The following SHISA9 variants were observed in gnomAD, a reference collection of about 807,000 sequenced individuals.
SHISA9 encodes the protein shisa family member 9, also known as protein shisa-9.
In SHISA9, 13 loss-of-function variants were observed where a neutral mutation model predicts 38.0. The ratio of observed to expected loss-of-function variants is 0.34; its 90% confidence interval spans 0.22 to 0.54. SHISA9 has a LOEUF of 0.54. Ranked by LOEUF, SHISA9 falls within the 20% of genes least tolerant of loss-of-function variation. The pLI is 0.91. For missense variants in SHISA9, 538 were observed against 575.8 expected (o/e 0.93, Z 0.67); for synonymous variants, 275 against 242.0 (o/e 1.14, Z -1.27).
At chr16:12,963,121 G>A (rs1343593871) in intron 2 of SHISA9, among the ~76,000 whole-genome samples, 1 of 152,194 alleles carries the variant, frequency 6.6e-6, no homozygotes, top group Non-Finnish European at 1.5e-5. Flanking sequence ...CTTGCAGTCA[G>A]AGGTGCCTGA....
chr16:13,383,762 C>T, the SHISA9 span, among the ~76,000 whole-genome samples: 3 of 152,134 alleles, frequency 2.0e-5, no homozygotes, highest in Admixed American at 6.5e-5. Context: ...GCGATCTTCC[C>T]ACCTTGGGCT....
chr16:13,424,853 C>G, the SHISA9 span, among the ~76,000 whole-genome samples: 2 of 152,188 alleles, frequency 1.3e-5, no homozygotes, highest in East Asian at 1.9e-4. Flanking sequence ...AGGCTTTGGC[C>G]TATTCTCCCA....
At chr16:13,458,328 G>T in the SHISA9 span, 5 of 298,948 alleles carry the variant, frequency 1.7e-5, no homozygotes, top group East Asian at 4.0e-4. Flanking sequence ...AGACTCCACA[G>T]GATGAGTCTC....
chr16:13,010,616 A>G (rs1279629910), intron 2 of SHISA9, among the ~76,000 whole-genome samples: 1 of 152,186 alleles, frequency 6.6e-6, no homozygotes, highest in East Asian at 1.9e-4. Flanking sequence ...TACTACTGGG[A>G]TCAGAATTCC....
chr16:13,021,283 G>A (rs1239748658), intron 2 of SHISA9, among the ~76,000 whole-genome samples: 3 of 152,102 alleles, frequency 2.0e-5, no homozygotes, highest in Non-Finnish European at 2.9e-5. Flanking sequence ...GGCCAGGGAC[G>A]CTGCTCAAAT....
chr16:13,019,764 T>TTTCTTTCTTTC (rs1376484343), intron 2 of SHISA9, among the ~76,000 whole-genome samples: 1 of 77,896 alleles, frequency 1.3e-5, no homozygotes. Flanking sequence ...CTTTTCTTTC[T>TTTCTTTCTTTC]TTTCTTTCTT....
the SHISA9 span, among the ~76,000 whole-genome samples, chr16:13,382,596 C>T: frequency 3.3e-5 from 5 of 149,476 alleles, no homozygotes; most frequent in Non-Finnish European, 5.9e-5. Flanking sequence ...TCTGTAATCC[C>T]ACCTGTAATC....
chr16:13,223,924 G>A lies in SHISA9; in HGVS notation c.895+10624G>A, dbSNP rs2051254148. On this transcript the variant is annotated intron_variant, in intron 4 of 4. Transcript: ENST00000558583. The stretch of plus-strand genomic sequence containing the variant: ...GCAAAAGCTTCCATAAATATTGAGT[G>A]TGATGGCCATAACTTGAGGCAGTGG... 2.0e-5 allele frequency among the ~76,000 whole-genome samples: 3 copies of A among 152,196 alleles called. 1 individual carries two copies. The East Asian group carries it at 5.8e-4, about 29-fold the overall frequency.
At position 13,118,126 on chromosome 16, in the gene SHISA9, G is replaced by C. The variant is rs569491075; in HGVS notation, c.692-85268G>C. Reference sequence around the variant, plus strand: ...GAACCTGGGAGGCGGAGGTTGCAGTGAGTGGAGATCACGCAATTGTACTCC... The same window carrying C: ...GAACCTGGGAGGCGGAGGTTGCAGTCAGTGGAGATCACGCAATTGTACTCC... On this transcript the variant is annotated intron_variant, in intron 2 of 4. Transcript: ENST00000558583. Among the ~76,000 whole-genome samples, 12 of 150,904 alleles carry C rather than the reference G, an allele frequency of 8.0e-5. No homozygotes were observed. The East Asian group carries it at 2.2e-3, about 27-fold the overall frequency.
intron 2 of SHISA9, among the ~76,000 whole-genome samples, chr16:13,177,818 C>T (rs542285049): frequency 2.6e-5 from 4 of 152,224 alleles, no homozygotes; most frequent in East Asian, 3.9e-4. Flanking sequence ...TACAGGCAAT[C>T]GCCACCATAC....
At chr16:13,354,170 A>G in the SHISA9 span, among the ~76,000 whole-genome samples, 3 of 148,280 alleles carry the variant, frequency 2.0e-5, no homozygotes, top group Non-Finnish European at 3.0e-5. Context: ...GGAGTAGTAG[A>G]ATAGCAGATG....
chr16:13,378,681 C>G, the SHISA9 span, among the ~76,000 whole-genome samples: 1 of 152,194 alleles, frequency 6.6e-6, no homozygotes, highest in African/African-American at 2.4e-5. Flanking sequence ...CTGAGCAGCA[C>G]AAGGGTTTGG....
At chr16:13,269,881 C>T in the SHISA9 span, among the ~76,000 whole-genome samples, 1 of 152,144 alleles carries the variant, frequency 6.6e-6, no homozygotes, top group African/African-American at 2.4e-5. Context: ...GAGCAGAATC[C>T]ATGCTCTTGC....
intron 2 of SHISA9, among the ~76,000 whole-genome samples, chr16:13,001,594 G>C (rs1023951571): frequency 6.6e-5 from 10 of 152,202 alleles, no homozygotes; most frequent in Non-Finnish European, 2.9e-5. Flanking sequence ...TGGCAAAAAA[G>C]CCTTCTGGGC....
Position 13,203,106 on chromosome 16 carries a change from T to G in SHISA9, c.692-288T>G, listed in dbSNP as rs1167358621. 11 of 254,774 alleles carry G rather than the reference T, an allele frequency of 4.3e-5. No individual in the cohort carries two copies. The Admixed American group carries it at 6.0e-4, about 14-fold the overall frequency. The allele number at this position is 254,774 out of a possible 1,614,324, so 15.8% of individuals were successfully genotyped here. On this transcript the variant is annotated intron_variant, in intron 2 of 4. Transcript: ENST00000558583. Reference sequence around the variant, plus strand: ...ATCTTTTTATACAAATATCATTTCATTGACAAAAATAACCTCTCTACTGAA... The same window carrying G: ...ATCTTTTTATACAAATATCATTTCAGTGACAAAAATAACCTCTCTACTGAA...
At chr16:13,100,035 C>T (rs536294229) in intron 2 of SHISA9, among the ~76,000 whole-genome samples, 1 of 152,184 alleles carries the variant, frequency 6.6e-6, no homozygotes, top group Non-Finnish European at 1.5e-5. Context: ...GGGACTGTAG[C>T]AAAGTGAGGG....
At chr16:12,972,726 C>T (rs1020672770) in intron 2 of SHISA9, among the ~76,000 whole-genome samples, 1 of 152,108 alleles carries the variant, frequency 6.6e-6, no homozygotes, top group South Asian at 2.1e-4. Flanking sequence ...ATGTAGCTAT[C>T]GGCTACCATA....
chr16:13,428,626 C>T, the SHISA9 span, among the ~76,000 whole-genome samples: 1 of 152,154 alleles, frequency 6.6e-6, no homozygotes, highest in African/African-American at 2.4e-5. Flanking sequence ...AAGACCTAAA[C>T]ATTGGATAAA....
the SHISA9 span, among the ~76,000 whole-genome samples, chr16:13,483,836 C>G: frequency 6.6e-6 from 1 of 152,024 alleles, no homozygotes; most frequent in African/African-American, 2.4e-5. Flanking sequence ...GCTCTGTGTC[C>G]CTTCTCCCAT....
Sources: gnomAD v4.1 joint callset for allele counts (sites outside exome capture counted in the v4.1 genomes callset) on GRCh38, gnomAD v4.1.1 for gene constraint, MANE v1.5 for transcripts, NCBI Gene and HGNC (gene_info 2026-07-23, HGNC 2026-07-21) for gene names.